Variants in UTP15 observed in about 807,000 individuals in gnomAD.
UTP15 encodes the protein UTP15 small subunit processome component, also known as U3 small nucleolar RNA-associated protein 15 homolog.
A neutral mutation model predicts 59.1 loss-of-function variants in UTP15; 5 were observed. The ratio of observed to expected loss-of-function variants is 0.08; its 90% CI spans 0.04 to 0.18. The LOEUF is 0.18. Among genes scored for constraint, UTP15 ranks in the 10% least tolerant of loss-of-function variants. The pLI is 1.00. For synonymous variants in UTP15, 211 were observed against 212.2 expected, an observed-to-expected ratio of 0.99 and a Z score of 0.05; for missense variants, 494 against 616.7, an observed-to-expected ratio of 0.80 and a Z score of 2.11.
chr5:73,577,280 G>A (rs1308146783), intron 8 of UTP15, among the ~76,000 whole-genome samples: 3 of 152,162 alleles, frequency 2.0e-5, no homozygotes, highest in Admixed American at 6.5e-5. Flanking sequence ...AACATTAAAC[G>A]CAGGACCTGG....
At chr5:73,574,247 C>A (rs765261131) in intron 7 of UTP15, among the ~76,000 whole-genome samples, 1 of 151,648 alleles carries the variant, frequency 6.6e-6, no homozygotes, top group African/African-American at 2.4e-5. Context: ...GCACTTAAGC[C>A]GGAGTTTGAG....
At chr5:73,566,232 C>T (rs1747758142) in intron 1 of UTP15, 8 of 215,978 alleles carry the variant, frequency 3.7e-5, no homozygotes, top group Non-Finnish European at 7.7e-5. Flanking sequence ...GAGATAAAAT[C>T]AGCAGATCTT....
intron 4 of UTP15, 60 bp downstream of exon 4, chr5:73,568,664 T>C (rs2112039107): frequency 6.7e-7 from 1 of 1,483,250 alleles, no homozygotes; most frequent in Non-Finnish European, 9.1e-7. Context: ...TCTTTTTTTC[T>C]CTGGACTTTG....
chr5:73,567,777 T>C (rs1747823757), intron 2 of UTP15: 1 of 188,122 alleles, frequency 5.3e-6, no homozygotes, highest in Non-Finnish European at 1.1e-5. Flanking sequence ...CTATTAGTAG[T>C]GGACTGGTAT....
intron 9 of UTP15, chr5:73,578,302 A>G (rs1412210656): frequency 3.1e-6 from 1 of 326,226 alleles, no homozygotes; most frequent in Non-Finnish European, 5.6e-6. Context: ...AGTAGAACCA[A>G]TCATGTCCCT....
chr5:73,572,002 C>G (rs1398430338), intron 6 of UTP15, among the ~76,000 whole-genome samples: 1 of 152,134 alleles, frequency 6.6e-6, no homozygotes, highest in East Asian at 1.9e-4. Flanking sequence ...TGTGATCCCT[C>G]TTGTGAGGTG....
In UTP15 at chr5:73,580,430, T is replaced by A. The variant is rs1748266314; in HGVS notation, c.*336T>A. 1 of 176,170 alleles carries A rather than the reference T, an allele frequency of 5.7e-6. No homozygotes were observed. Among genetic ancestry groups the A allele is most frequent in the African/African-American group, 2.4e-5 (1 of 41,908 alleles). 10.9% of individuals were successfully genotyped at this position (176,170 alleles called of 1,614,324 possible). ...CAGATGGGAATTCAAATATGAATCC[T>A]CTCTGGAGAGGGTCCAACTGGGAAT... is the stretch of plus-strand genomic sequence containing the variant. On this transcript the variant is annotated 3_prime_UTR_variant, in exon 13 of 13. Transcript: ENST00000296792.
intron 4 of UTP15, among the ~76,000 whole-genome samples, 168 bp from the exon 5 acceptor site, chr5:73,569,329 G>A (rs1181531234): frequency 6.6e-6 from 1 of 151,464 alleles, no homozygotes; most frequent in Non-Finnish European, 1.5e-5. Flanking sequence ...AATTGGTTTG[G>A]GGGCAAACAC....
At chr5:73,575,049 CTG>C (rs1731806614) in intron 7 of UTP15, among the ~76,000 whole-genome samples, 1 of 151,960 alleles carries the variant, frequency 6.6e-6, no homozygotes, top group Non-Finnish European at 1.5e-5. Flanking sequence ...AGTTGTTACA[CTG>C]TATTTTAAAA....
At position 73,569,493 on chromosome 5, in the gene UTP15, T is replaced by C. The variant is rs543682288; in HGVS notation, c.369-4T>C. 15 of 1,573,352 alleles carry C rather than the reference T, an allele frequency of 9.5e-6. No individual in the cohort carries two copies. The highest frequency in any genetic ancestry group is 1.2e-5 in the Non-Finnish European group (14 of 1,161,282). ...TTTTAATATACTGACCTTCAATCTT[T>C]CAGAGCAGTTCATACAGTAGATTTT... On this transcript the variant is annotated splice_region_variant and splice_polypyrimidine_tract_variant and intron_variant, in intron 4 of 12. Coordinates refer to ENST00000296792, the MANE Select transcript of UTP15 (RefSeq NM_032175.4).
rs374072213 is a variant in UTP15 at position 73,568,485 on chromosome 5, A to G, written c.249A>G (p.Ala83=). 11 of 1,614,066 alleles carry G rather than the reference A, an allele frequency of 6.8e-6. No homozygotes were observed. The highest frequency in any genetic ancestry group is 2.2e-5 in the South Asian group (2 of 91,088). ...CCTTTTCTCGATTTAAAGACACAGC[A>G]TACTGTGCTACTTTTCGACAAGATG... ...IKTFSRFKDT[A]YCATFRQDGR... The change falls in exon 4 of 13, where the codon GCA becomes GCG. Residue 83 remains alanine, a synonymous_variant. Transcript: ENST00000296792.
At chr5:73,578,290 G>A (rs1282007953) in intron 9 of UTP15, 7 of 332,452 alleles carry the variant, frequency 2.1e-5, no homozygotes, top group South Asian at 1.4e-4. Flanking sequence ...ATCCCAAGAA[G>A]TAGTAGAACC....
In UTP15 at chr5:73,568,480, A is replaced by G; in HGVS notation, c.244A>G (p.Thr82Ala). 2.5e-6 allele frequency: 4 copies of G among 1,614,104 alleles called. No homozygotes were observed. Among genetic ancestry groups the G allele is most frequent in the Non-Finnish European group, 3.4e-6 (4 of 1,179,976 alleles). The change falls in exon 4 of 13, where the codon ACA (threonine) becomes GCA (alanine). Residue 82 changes from threonine (T) to alanine (A), a missense_variant. Coordinates refer to ENST00000296792, the MANE Select transcript of UTP15 (RefSeq NM_032175.4). ...PIKTFSRFKD[T>A]AYCATFRQDG... is the part of the protein sequence containing the mutation. ...AAAAACCTTTTCTCGATTTAAAGACACAGCATACTGTGCTACTTTTCGACA... is the reference window on the plus strand; with the variant it reads ...AAAAACCTTTTCTCGATTTAAAGACGCAGCATACTGTGCTACTTTTCGACA...
chr5:73,567,976 G>GT (rs1170567397), intron 2 of UTP15, among the ~76,000 whole-genome samples: 4 of 151,732 alleles, frequency 2.6e-5, no homozygotes, highest in Non-Finnish European at 5.9e-5. Context: ...TTTTTTTTCT[G>GT]GTAGAAATCA....
chr5:73,576,801 A>G, intron 7 of UTP15, 151 bp from the exon 8 acceptor site: 1 of 602,502 alleles, frequency 1.7e-6, no homozygotes, highest in Non-Finnish European at 2.9e-6. Flanking sequence ...GGATTCAGTG[A>G]TGAATTAGTT....
chr5:73,570,728 G>C lies in UTP15; in HGVS notation c.673+17G>C. 6.2e-7 allele frequency: 1 copy of C among 1,609,266 alleles called. No homozygotes were observed. Among genetic ancestry groups the C allele is most frequent in the Non-Finnish European group, 8.5e-7 (1 of 1,178,520 alleles). On this transcript the variant is annotated intron_variant, in intron 6 of 12. Coordinates refer to ENST00000296792, the MANE Select transcript of UTP15 (RefSeq NM_032175.4). ...TGTCAGCAGGTACTTCTTAAAAATA[G>C]CTTTCACCAATATTGTTGGTTTTGA...
intron 8 of UTP15, 52 bp downstream of exon 8, chr5:73,577,088 G>T (rs373931909): frequency 1.4e-5 from 19 of 1,366,104 alleles, no homozygotes; most frequent in Non-Finnish European, 1.8e-5. Context: ...CCTGTTAAAT[G>T]AAACTAAAAT....
intron 2 of UTP15, chr5:73,567,681 T>A (rs1286963543): frequency 1.0e-5 from 3 of 288,594 alleles, no homozygotes; most frequent in Admixed American, 1.0e-4. Flanking sequence ...GCCAAATGAA[T>A]TAAATTTTAA....
chr5:73,572,391 C>G (rs545660596), intron 6 of UTP15, 98 bp from the exon 7 acceptor site: 1 of 1,499,952 alleles, frequency 6.7e-7, no homozygotes, highest in African/African-American at 1.4e-5. Flanking sequence ...ACTCAGCCTC[C>G]ATGCTTTGTG....
Sources: allele counts gnomAD v4.1 joint callset (sites outside exome capture counted in the v4.1 genomes callset), GRCh38; gene constraint gnomAD v4.1.1; transcripts MANE v1.5; gene names NCBI Gene and HGNC (gene_info 2026-07-23, HGNC 2026-07-21).